Variants in HECW2 observed in about 807,000 individuals in gnomAD.
HECW2 encodes the protein E3 ubiquitin-protein ligase HECW2.
Under a neutral mutation model 175.2 loss-of-function variants are expected in HECW2, and 61 were observed. That is an observed-to-expected ratio of 0.35 (90% CI 0.28 to 0.43). The LOEUF (loss-of-function observed/expected upper bound fraction) is 0.43. Ranked by LOEUF, HECW2 falls within the 20% of genes least tolerant of loss-of-function variation. The pLI, the probability that HECW2 is intolerant of heterozygous loss-of-function variation, is 1.00. For missense variants in HECW2, 1,524 were observed against 2,000.5 expected (o/e 0.76, Z 4.54); for synonymous variants, 671 against 731.0 (o/e 0.92, Z 1.32).
At chr2:196,333,282 G>C (rs1353618995) in intron 4 of HECW2, among the ~76,000 whole-genome samples, 4 of 151,852 alleles carry the variant, frequency 2.6e-5, no homozygotes, top group Non-Finnish European at 5.9e-5. Flanking sequence ...TTCATCTGTA[G>C]TGGTGGCACA....
At chr2:196,430,683 C>CA (rs1037742739) in intron 2 of HECW2, among the ~76,000 whole-genome samples, 3 of 151,106 alleles carry the variant, frequency 2.0e-5, no homozygotes, top group Non-Finnish European at 4.4e-5. Flanking sequence ...AGAATGAAGA[C>CA]AAAAAAAGGG....
chr2:196,539,749 A>G (rs1689148934), intron 1 of HECW2, among the ~76,000 whole-genome samples: 1 of 152,240 alleles, frequency 6.6e-6, no homozygotes, highest in Non-Finnish European at 1.5e-5. Context: ...TCAAGTAAGT[A>G]TTTTGTTTAT....
chr2:196,267,413 C>T (rs1689558774), intron 17 of HECW2, among the ~76,000 whole-genome samples: 1 of 151,924 alleles, frequency 6.6e-6, no homozygotes, highest in Non-Finnish European at 1.5e-5. Flanking sequence ...CATCTTCTTT[C>T]AGTGAGAACC....
At chr2:196,230,424 C>T (rs1022757530) in intron 21 of HECW2, among the ~76,000 whole-genome samples, 1 of 152,162 alleles carries the variant, frequency 6.6e-6, no homozygotes, top group Admixed American at 6.5e-5. Context: ...AGATATAAAA[C>T]GTTTTCAAAG....
intron 10 of HECW2, 111 bp from the exon 11 acceptor site, chr2:196,308,196 CTAA>C: frequency 4.1e-6 from 3 of 728,422 alleles, no homozygotes; most frequent in Non-Finnish European, 6.3e-6. Flanking sequence ...TAATCTGAGA[CTAA>C]TAACATACAT....
At chr2:196,566,836 C>T (rs1690208334) in intron 1 of HECW2, among the ~76,000 whole-genome samples, 1 of 151,326 alleles carries the variant, frequency 6.6e-6, no homozygotes, top group Non-Finnish European at 1.5e-5. Context: ...CTATGTATTA[C>T]CCAATTTTCG....
chr2:196,401,715 G>A (rs1381278698), intron 2 of HECW2, among the ~76,000 whole-genome samples: 1 of 152,094 alleles, frequency 6.6e-6, no homozygotes, highest in East Asian at 1.9e-4. Context: ...GAATATTCAG[G>A]ATGTTTTAAA....
chr2:196,523,689 T>C (rs1249458008), intron 1 of HECW2, among the ~76,000 whole-genome samples: 2 of 151,074 alleles, frequency 1.3e-5, no homozygotes, highest in African/African-American at 2.4e-5. Context: ...GCATGAAGGG[T>C]TGTTGAATTT....
intron 21 of HECW2, among the ~76,000 whole-genome samples, chr2:196,233,775 A>G (rs1688140738): frequency 6.6e-6 from 1 of 152,244 alleles, no homozygotes; most frequent in African/African-American, 2.4e-5. Flanking sequence ...GGAACACCAT[A>G]AAGTGTACCT....
chr2:196,246,656 G>C (rs974953683), intron 19 of HECW2, among the ~76,000 whole-genome samples: 11 of 151,930 alleles, frequency 7.2e-5, no homozygotes, highest in Non-Finnish European at 1.5e-4. Context: ...TCCCAAAGTG[G>C]TGGGATTACA....
At chr2:196,456,220 G>A (rs1696508121) in intron 1 of HECW2, among the ~76,000 whole-genome samples, 1 of 152,106 alleles carries the variant, frequency 6.6e-6, no homozygotes, top group Non-Finnish European at 1.5e-5. Flanking sequence ...TCTACACTAA[G>A]TCAAATATTC....
At chr2:196,489,477 A>G (rs1204955780) in intron 1 of HECW2, among the ~76,000 whole-genome samples, 2 of 152,140 alleles carry the variant, frequency 1.3e-5, no homozygotes, top group Non-Finnish European at 2.9e-5. Flanking sequence ...CAAAGAACCC[A>G]CATCATGGTT....
chr2:196,380,142 T>C (rs1694168959), intron 2 of HECW2, among the ~76,000 whole-genome samples: 1 of 152,232 alleles, frequency 6.6e-6, no homozygotes, highest in Non-Finnish European at 1.5e-5. Context: ...TTTAAGTCCC[T>C]GCTCAGTTCA....
intron 21 of HECW2, among the ~76,000 whole-genome samples, chr2:196,232,361 C>T (rs960001101): frequency 1.3e-5 from 2 of 152,196 alleles, no homozygotes; most frequent in African/African-American, 4.8e-5. Flanking sequence ...CTCCCCTATA[C>T]ATACATACTA....
intron 19 of HECW2, among the ~76,000 whole-genome samples, chr2:196,244,739 A>G (rs1039790471): frequency 1.3e-5 from 2 of 152,252 alleles, no homozygotes; most frequent in African/African-American, 4.8e-5. Context: ...CAGCAGCAAC[A>G]GCTGGCATGA....
At chr2:196,392,835 C>T (rs1370535792) in intron 2 of HECW2, among the ~76,000 whole-genome samples, 1 of 152,108 alleles carries the variant, frequency 6.6e-6, no homozygotes, top group Non-Finnish European at 1.5e-5. Flanking sequence ...AAAAAAGAGC[C>T]CACATTGCCA....
At chr2:196,574,675 A>G (rs1412929366) in intron 1 of HECW2, among the ~76,000 whole-genome samples, 1 of 152,186 alleles carries the variant, frequency 6.6e-6, no homozygotes. Flanking sequence ...AAATTTTAAA[A>G]TATCCTAAAA....
At chr2:196,347,762 T>G (rs1330929971) in intron 2 of HECW2, among the ~76,000 whole-genome samples, 5 of 152,238 alleles carry the variant, frequency 3.3e-5, no homozygotes, top group Non-Finnish European at 5.9e-5. Flanking sequence ...TGCTGCGTTA[T>G]TCCTTGCCAA....
chr2:196,558,388 G>C (rs1689879340), intron 1 of HECW2, among the ~76,000 whole-genome samples: 1 of 152,032 alleles, frequency 6.6e-6, no homozygotes, highest in Admixed American at 6.5e-5. Context: ...GCAGAGTTGT[G>C]AATTTGGAGA....
Sources: gnomAD v4.1 joint callset for allele counts (sites outside exome capture counted in the v4.1 genomes callset) on GRCh38, gnomAD v4.1.1 for gene constraint, MANE v1.5 for transcripts, NCBI Gene and HGNC (gene_info 2026-07-23, HGNC 2026-07-21) for gene names.